The following AEBP2 variants were observed in gnomAD, a reference collection of about 807,000 sequenced individuals.
AEBP2 encodes zinc finger protein AEBP2.
Under a neutral mutation model 50.8 loss-of-function variants are expected in AEBP2, and 10 were observed. The ratio of observed to expected loss-of-function variants is 0.20; its 90% confidence interval spans 0.12 to 0.33. AEBP2 has a LOEUF of 0.33. AEBP2 is among the 10% of genes least tolerant of loss of function. The pLI is 1.00. For missense variants in AEBP2, 570 were observed against 688.0 expected (o/e 0.83, Z 1.92); for synonymous variants, 296 against 261.3 (o/e 1.13, Z -1.28).
At chr12:19,482,223 G>A (rs1205476983) in intron 3 of AEBP2, among the ~76,000 whole-genome samples, 1 of 152,134 alleles carries the variant, frequency 6.6e-6, no homozygotes, top group African/African-American at 2.4e-5. Context: ...CTGGGATGGT[G>A]CTGGGGAATG....
intron 3 of AEBP2, among the ~76,000 whole-genome samples, chr12:19,475,060 G>T (rs1431933595): frequency 6.6e-6 from 1 of 152,114 alleles, no homozygotes; most frequent in East Asian, 1.9e-4. Context: ...CAAAGTGCTG[G>T]GATTAACCAC....
intron 1 of AEBP2, among the ~76,000 whole-genome samples, chr12:19,450,130 C>A (rs10841232): frequency 0.37 from 56,230 of 151,966 alleles, 13,115 homozygotes; most frequent in Non-Finnish European, 0.53. Context: ...CTTACAGAAT[C>A]TGATGTGTCT....
At chr12:19,477,965 G>A (rs571182278) in intron 3 of AEBP2, among the ~76,000 whole-genome samples, 4 of 152,232 alleles carry the variant, frequency 2.6e-5, no homozygotes, top group African/African-American at 9.6e-5. Flanking sequence ...TTTCTACTTC[G>A]TGCATGTAAA....
Position 19,439,624 on chromosome 12 carries a change from G to C in AEBP2, c.-76G>C, listed in dbSNP as rs1018381441. 2.3e-5 allele frequency: 34 copies of C among 1,476,446 alleles called. No individual in the cohort carries two copies. The African/African-American group carries it at 3.0e-4, about 13-fold the overall frequency. 91.5% of individuals were successfully genotyped at this position (1,476,446 alleles called of 1,614,324 possible). On this transcript the variant is annotated 5_prime_UTR_variant, in exon 1 of 8. Coordinates refer to ENST00000266508, the MANE Select transcript of AEBP2 (RefSeq NM_153207.5). ...TCGGCGGAGTTTTGGGCGTTTGGGAGGGGGGCGAGGGAGAGAGAGTCGAGA... is the reference window on the plus strand; with the variant it reads ...TCGGCGGAGTTTTGGGCGTTTGGGACGGGGGCGAGGGAGAGAGAGTCGAGA...
At chr12:19,451,896 A>T (rs1267738972) in intron 1 of AEBP2, among the ~76,000 whole-genome samples, 2 of 151,452 alleles carry the variant, frequency 1.3e-5, no homozygotes, top group African/African-American at 4.9e-5. Flanking sequence ...TTTTATTTTT[A>T]TTTATTTATT....
chr12:19,408,238 T>C (rs1353161008), intron 1 of AEBP2, among the ~76,000 whole-genome samples: 1 of 152,002 alleles, frequency 6.6e-6, no homozygotes, highest in Non-Finnish European at 1.5e-5. Context: ...AAAGGGAAAC[T>C]GGGCAGTTGG....
intron 3 of AEBP2, among the ~76,000 whole-genome samples, chr12:19,483,070 G>A (rs374212045): frequency 3.9e-5 from 6 of 152,024 alleles, no homozygotes; most frequent in Admixed American, 1.3e-4. Context: ...CTGTTCCCTC[G>A]CCACCTCCCT....
At position 19,439,706 on chromosome 12, in the gene AEBP2, G is replaced by A; in HGVS notation, c.7G>A (p.Ala3Thr). 6.6e-7 allele frequency: 1 copy of A among 1,517,066 alleles called. No homozygotes were observed. Among genetic ancestry groups the A allele is most frequent in the Non-Finnish European group, 8.8e-7 (1 of 1,138,900 alleles). The allele number at this position is 1,517,066 out of a possible 1,614,324, so 94.0% of individuals were successfully genotyped here. The change falls in exon 1 of 8, where the codon GCC (alanine) becomes ACC (threonine). Residue 3 changes from alanine (A) to threonine (T), a missense_variant. Transcript: ENST00000266508. MA[A>T]AITDMADLEE... is the part of the protein sequence containing the mutation. ...AGGAGGAGCAGGCGCCGCCATGGCCGCCGCTATCACCGACATGGCCGACCT... is the reference window on the plus strand; with the variant it reads ...AGGAGGAGCAGGCGCCGCCATGGCCACCGCTATCACCGACATGGCCGACCT...
intron 2 of AEBP2, among the ~76,000 whole-genome samples, chr12:19,464,960 T>G (rs1196799947): frequency 6.6e-6 from 1 of 152,116 alleles, no homozygotes; most frequent in Non-Finnish European, 1.5e-5. Flanking sequence ...CTTATTGATA[T>G]TATAGAATTA....
chr12:19,413,219 A>G (rs879231722), intron 1 of AEBP2: 7 of 805,596 alleles, frequency 8.7e-6, no homozygotes, highest in Admixed American at 3.4e-5. Flanking sequence ...CAGTATCTTA[A>G]CCCAAGTTTT....
chr12:19,449,790 GTGACAAAGCCATATAT>G (rs931244204), intron 1 of AEBP2, among the ~76,000 whole-genome samples: 1 of 152,082 alleles, frequency 6.6e-6, no homozygotes, highest in African/African-American at 2.4e-5. Flanking sequence ...TTATTTTAGT[GTGACAAAGCCATATAT>G]TTTACTTGCC....
intron 2 of AEBP2, among the ~76,000 whole-genome samples, chr12:19,468,152 G>GTGTGTGTGTGTA (rs1555184158): frequency 1.3e-5 from 2 of 148,944 alleles, no homozygotes; most frequent in Admixed American, 1.3e-4. Flanking sequence ...GTGTGTGTGT[G>GTGTGTGTGTGTA]TGTGTATGTG....
chr12:19,436,247 T>A (rs1187290796), upstream of AEBP2, among the ~76,000 whole-genome samples: 1 of 152,188 alleles, frequency 6.6e-6, no homozygotes, highest in Non-Finnish European at 1.5e-5. Context: ...GCCATGCCAA[T>A]GTCGGGAAGT....
Position 19,439,879 on chromosome 12 carries a change from C to A in AEBP2, c.180C>A (p.Asn60Lys), listed in dbSNP as rs909336904. The A allele has an allele frequency of 1.4e-6, 2 of 1,479,456 alleles. No individual in the cohort carries two copies. Among genetic ancestry groups the A allele is most frequent in the Non-Finnish European group, 8.9e-7 (1 of 1,124,494 alleles). The allele number at this position is 1,479,456 out of a possible 1,614,324, so 91.6% of individuals were successfully genotyped here. ...AGGCGGTGGCGGCGCTGCTGCTGAA[C>A]GGCGGCAGCGGTGGGGGCGGCGGAG... ...EAEAVAALLL[N>K]GGSGGGGGGG... The change falls in exon 1 of 8, where the codon AAC (asparagine) becomes AAA (lysine). Residue 60 changes from asparagine (N) to lysine (K), a missense_variant. Physicochemically the swap from Asn to Lys is moderately conservative, Grantham distance 94. Coordinates refer to ENST00000266508, the MANE Select transcript of AEBP2 (RefSeq NM_153207.5).
At position 19,409,753 on chromosome 12, in the gene AEBP2, T is replaced by C. The variant is rs145694799; in HGVS notation, c.-17+5537T>C. On this transcript the variant is annotated intron_variant, in intron 1 of 3. Coordinates refer to the AEBP2 transcript ENST00000538425. Reference sequence around the variant, plus strand: ...TCAGACCAGCTTAGTGGAAGGCTTTTTTCATTATAATGTCGTGGGCTTTGC... The same window carrying C: ...TCAGACCAGCTTAGTGGAAGGCTTTCTTCATTATAATGTCGTGGGCTTTGC... Among the ~76,000 whole-genome samples, 430 of 152,332 alleles carry C rather than the reference T, an allele frequency of 2.8e-3. 6 individuals carry two copies. The highest frequency in any genetic ancestry group is 9.9e-3 in the African/African-American group (411 of 41,578).
chr12:19,475,886 T>C (rs1426668991), intron 3 of AEBP2, among the ~76,000 whole-genome samples: 1 of 152,196 alleles, frequency 6.6e-6, no homozygotes, highest in East Asian at 1.9e-4. Flanking sequence ...ATTTTTTTCT[T>C]GTTGATTTCT....
chr12:19,508,596 TC>T (rs1949188256), intron 5 of AEBP2, among the ~76,000 whole-genome samples: 1 of 152,234 alleles, frequency 6.6e-6, no homozygotes, highest in Non-Finnish European at 1.5e-5. Context: ...TTAAGCATTA[TC>T]TTAATTTTCA....
In AEBP2 at chr12:19,512,401, A is replaced by G; in HGVS notation, c.1303A>G (p.Ile435Val). ...GHSVVFHSTV[I>V]AKRKEDSGKI... ...TTTCTTTTCATGTCATTATCAGGTA[A>G]TAGCTAAGAGAAAAGAAGATTCTGG... The change falls in exon 6 of 8, where the codon ATA (isoleucine) becomes GTA (valine). Residue 435 changes from isoleucine to valine, a missense_variant. This residue lies in a region of AEBP2 where 184 missense variants were observed against 351.2 expected (regional missense o/e 0.52). Transcript: ENST00000266508. 6.4e-7 allele frequency: 1 copy of G among 1,554,364 alleles called. No individual in the cohort carries two copies. The highest frequency in any genetic ancestry group is 8.7e-7 in the Non-Finnish European group (1 of 1,144,998).
chr12:19,474,084 T>C lies in AEBP2; in HGVS notation c.987+729T>C, dbSNP rs376230828. 3.3e-5 allele frequency among the ~76,000 whole-genome samples: 5 copies of C among 152,340 alleles called. No homozygotes were observed. The East Asian group carries it at 9.6e-4, about 29-fold the overall frequency. The stretch of plus-strand genomic sequence containing the variant: ...AGGACATTAAAGGATTTGATTCCTT[T>C]CACTCAGTTTTGAGGTCACACTACT... On this transcript the variant is annotated intron_variant, in intron 3 of 7. Transcript: ENST00000266508.
Sources: allele counts gnomAD v4.1 joint callset (sites outside exome capture counted in the v4.1 genomes callset), GRCh38; gene constraint gnomAD v4.1.1; regional missense constraint gnomAD v4.1.1; transcripts MANE v1.5; gene names NCBI Gene and HGNC (gene_info 2026-07-23, HGNC 2026-07-21).